The following VPS53 variants were observed in gnomAD, a reference collection of about 807,000 sequenced individuals.
VPS53 encodes vacuolar protein sorting-associated protein 53 homolog.
In VPS53, 70 loss-of-function variants were observed where a neutral mutation model predicts 107.0. The ratio of observed to expected loss-of-function variants is 0.65; its 90% confidence interval spans 0.54 to 0.80. The LOEUF (loss-of-function observed/expected upper bound fraction) is 0.80, where lower values mean the gene tolerates loss of function less well. Ranked by LOEUF, VPS53 falls within the 30% of genes least tolerant of loss-of-function variation. VPS53 has a pLI of 0.00. For synonymous variants in VPS53, 409 were observed against 393.3 expected (o/e 1.04, Z -0.47); for missense variants, 917 against 1,049.4 (o/e 0.87, Z 1.74).
chr17:615,868 C>A (rs1344558625), intron 11 of VPS53: 1 of 152,228 alleles, frequency 6.6e-6, no homozygotes, highest in Non-Finnish European at 1.5e-5. Flanking sequence ...GCCCAGGCAG[C>A]CCCTTCCCGG....
chr17:659,862 C>T (rs186735086), intron 5 of VPS53, among the ~76,000 whole-genome samples: 1 of 152,272 alleles, frequency 6.6e-6, no homozygotes, highest in Non-Finnish European at 1.5e-5. Context: ...CTCTTTATTC[C>T]CAGGATCTCC....
intron 12 of VPS53, among the ~76,000 whole-genome samples, chr17:589,852 C>T (rs1020832248): frequency 3.9e-5 from 6 of 151,938 alleles, no homozygotes; most frequent in East Asian, 1.9e-4. Flanking sequence ...ATTGACTTGG[C>T]GATGTGGGCT....
chr17:699,076 A>G (rs576733096), intron 3 of VPS53, among the ~76,000 whole-genome samples: 22 of 152,256 alleles, frequency 1.4e-4, no homozygotes, highest in African/African-American at 5.1e-4. Flanking sequence ...CTAAGGCAGG[A>G]GAATCACTTG....
Position 560,579 on chromosome 17 carries a change from G to A in VPS53, c.1557-6C>T. ...CTCCACTGCTGGTTGTGGTTCTGAA[G>A]AAAAGGAACAGGAACAAGTCAGCAT... On this transcript the variant is annotated splice_polypyrimidine_tract_variant and splice_region_variant and intron_variant, in intron 14 of 21. Transcript: ENST00000437048. 1 of 1,612,776 alleles carries A rather than the reference G, an allele frequency of 6.2e-7. No individual in the cohort carries two copies. Among genetic ancestry groups the A allele is most frequent in the Non-Finnish European group, 8.5e-7 (1 of 1,179,314 alleles).
intron 7 of VPS53, among the ~76,000 whole-genome samples, chr17:652,088 C>T (rs1246150153): frequency 6.6e-6 from 1 of 151,950 alleles, no homozygotes; most frequent in African/African-American, 2.4e-5. Flanking sequence ...CCTCCACTTC[C>T]CAGGTTCAAG....
At chr17:640,073 G>A (rs577285335) in intron 7 of VPS53, among the ~76,000 whole-genome samples, 80 of 152,296 alleles carry the variant, frequency 5.3e-4, no homozygotes, top group African/African-American at 1.9e-3. Context: ...TGGCCACTTT[G>A]TTTACCTGCT....
chr17:618,405 C>T (rs28434729), intron 11 of VPS53, among the ~76,000 whole-genome samples: 300 of 82,656 alleles, frequency 3.6e-3, no homozygotes, highest in South Asian at 9.4e-3. Context: ...CGTGCACCAC[C>T]ACGCCCCACT....
At chr17:590,359 T>C (rs1228729471) in intron 12 of VPS53, among the ~76,000 whole-genome samples, 3 of 152,158 alleles carry the variant, frequency 2.0e-5, no homozygotes, top group Non-Finnish European at 4.4e-5. Flanking sequence ...CCTAACTGAA[T>C]ACCCTTTATT....
At chr17:669,568 G>C (rs1971846796) in intron 4 of VPS53, among the ~76,000 whole-genome samples, 1 of 132,738 alleles carries the variant, frequency 7.5e-6, no homozygotes, top group Non-Finnish European at 1.6e-5. Flanking sequence ...ACTCCAGCCT[G>C]GGTGACAGAG....
At chr17:663,276 A>G (rs1971546383) in intron 4 of VPS53, among the ~76,000 whole-genome samples, 1 of 152,224 alleles carries the variant, frequency 6.6e-6, no homozygotes, top group African/African-American at 2.4e-5. Context: ...CAGATGCTAC[A>G]CAATGAAAGT....
At chr17:673,540 ACT>A (rs1355193930) in intron 4 of VPS53, among the ~76,000 whole-genome samples, 4 of 152,116 alleles carry the variant, frequency 2.6e-5, no homozygotes, top group Non-Finnish European at 5.9e-5. Context: ...AGGCTGTCGG[ACT>A]CTCACAGCCA....
At chr17:653,495 A>G in intron 6 of VPS53, 85 bp from the exon 7 acceptor site, 1 of 1,580,920 alleles carries the variant, frequency 6.3e-7, no homozygotes. Flanking sequence ...CTAGCTCTCA[A>G]ACAGATATCA....
intron 13 of VPS53, among the ~76,000 whole-genome samples, chr17:565,666 T>A (rs539046722): frequency 4.0e-5 from 6 of 151,726 alleles, no homozygotes; most frequent in African/African-American, 1.5e-4. Context: ...CAGCCAGAGG[T>A]TCCTCGCAAC....
intron 14 of VPS53, among the ~76,000 whole-genome samples, chr17:560,777 T>C (rs932304994): frequency 1.8e-4 from 28 of 152,248 alleles, no homozygotes; most frequent in Non-Finnish European, 4.0e-4. Context: ...TTTTAGTTAA[T>C]CTGAATCATC....
Position 511,251 on chromosome 17 carries a change from G to A in VPS53, c.*7877C>T, listed in dbSNP as rs1245847386. On this transcript the variant is annotated 3_prime_UTR_variant, in exon 22 of 22. Transcript: ENST00000437048. ...CATCAGCGCAAGGCAAACACATGAAGGGAGCTGGGGTTTCTTGCCACCATT... is the reference window on the plus strand; with the variant it reads ...CATCAGCGCAAGGCAAACACATGAAAGGAGCTGGGGTTTCTTGCCACCATT... 6.6e-6 allele frequency: 1 copy of A among 152,184 alleles called. No individual in the cohort carries two copies. The highest frequency in any genetic ancestry group is 1.5e-5 in the Non-Finnish European group (1 of 68,036). 9.4% of individuals were successfully genotyped at this position (152,184 alleles called of 1,614,324 possible).
intron 15 of VPS53, among the ~76,000 whole-genome samples, chr17:557,780 A>G: frequency 6.6e-6 from 1 of 152,176 alleles, no homozygotes; most frequent in Non-Finnish European, 1.5e-5. Flanking sequence ...TAGAACTTCT[A>G]AGAGTCTGTT....
intron 7 of VPS53, among the ~76,000 whole-genome samples, chr17:637,506 A>G (rs562314127): frequency 3.3e-5 from 5 of 152,180 alleles, no homozygotes; most frequent in African/African-American, 1.2e-4. Flanking sequence ...TTTAATTGTG[A>G]TGTTAGGGTG....
Position 699,383 on chromosome 17 carries a change from A to G in VPS53, c.169-3T>C. 1 of 1,560,034 alleles carries G rather than the reference A, an allele frequency of 6.4e-7. No homozygotes were observed. The highest frequency in any genetic ancestry group is 8.6e-7 in the Non-Finnish European group (1 of 1,158,424). Reference sequence around the variant, plus strand: ...ACTTCGTCTATGTTCGCCAGAGACTACAATAAAGAAGGAAGAGTGCCCAGC... The same window carrying G: ...ACTTCGTCTATGTTCGCCAGAGACTGCAATAAAGAAGGAAGAGTGCCCAGC... On this transcript the variant is annotated splice_region_variant and splice_polypyrimidine_tract_variant and intron_variant, in intron 2 of 21. Transcript: ENST00000437048.
At chr17:571,667 C>G (rs906170602) in intron 13 of VPS53, among the ~76,000 whole-genome samples, 1 of 152,186 alleles carries the variant, frequency 6.6e-6, no homozygotes. Context: ...CTCAGCCTGC[C>G]GAGTGCCTGC....
Sources: allele counts gnomAD v4.1 joint callset (sites outside exome capture counted in the v4.1 genomes callset), GRCh38; gene constraint gnomAD v4.1.1; transcripts MANE v1.5; gene names NCBI Gene and HGNC (gene_info 2026-07-23, HGNC 2026-07-21).